Variants in CSMD1 observed in about 807,000 individuals in gnomAD.
CSMD1 encodes CUB and Sushi multiple domains 1.
Under a neutral mutation model 417.5 loss-of-function variants are expected in CSMD1, and 213 were observed. The ratio of observed to expected loss-of-function variants is 0.51; its 90% CI spans 0.46 to 0.57. The LOEUF is 0.57. CSMD1 is among the 20% of genes least tolerant of loss of function. The pLI is 0.00. For synonymous variants in CSMD1, 2,862 were observed against 1,736.8 expected, an observed-to-expected ratio of 1.65 and a Z score of -16.11; for missense variants, 6,923 against 4,529.7, an observed-to-expected ratio of 1.53 and a Z score of -15.17.
At chr8:3,257,687 T>C (rs1800758649) in intron 26 of CSMD1, among the ~76,000 whole-genome samples, 1 of 152,136 alleles carries the variant, frequency 6.6e-6, no homozygotes, top group Non-Finnish European at 1.5e-5. Context: ...CTGAAGTTTC[T>C]ATCAAAGACC....
At chr8:4,240,652 C>A (rs929704564) in intron 3 of CSMD1, among the ~76,000 whole-genome samples, 1 of 152,122 alleles carries the variant, frequency 6.6e-6, no homozygotes, top group Non-Finnish European at 1.5e-5. Flanking sequence ...TCAACAAGTA[C>A]TCCCCTTATA....
chr8:2,976,797 T>C (rs1804966608), intron 55 of CSMD1, among the ~76,000 whole-genome samples: 1 of 152,236 alleles, frequency 6.6e-6, no homozygotes, highest in Admixed American at 6.5e-5. Flanking sequence ...CATGATTCTC[T>C]TTTAGTTAAC....
intron 5 of CSMD1, among the ~76,000 whole-genome samples, chr8:3,870,249 TAA>T (rs1234447174): frequency 1.3e-5 from 2 of 152,170 alleles, no homozygotes; most frequent in Non-Finnish European, 2.9e-5. Context: ...ACACTGAAAT[TAA>T]GATTATTCAA....
At chr8:4,423,102 T>C (rs1359017900) in intron 2 of CSMD1, among the ~76,000 whole-genome samples, 2 of 152,078 alleles carry the variant, frequency 1.3e-5, no homozygotes, top group African/African-American at 4.8e-5. Flanking sequence ...TGCTTAGTGG[T>C]TGAAGACTGA....
intron 22 of CSMD1, among the ~76,000 whole-genome samples, chr8:3,347,788 A>T (rs186648505): frequency 3.8e-4 from 58 of 152,316 alleles, no homozygotes; most frequent in African/African-American, 1.3e-3. Context: ...GTTTATCTAC[A>T]AAGTTATTTC....
At chr8:4,981,011 C>G (rs1018165302) in intron 1 of CSMD1, among the ~76,000 whole-genome samples, 2 of 152,064 alleles carry the variant, frequency 1.3e-5, no homozygotes, top group South Asian at 2.1e-4. Flanking sequence ...TATTATTTCA[C>G]TTAGAGAAGG....
At chr8:4,109,692 C>G (rs943794457) in intron 3 of CSMD1, among the ~76,000 whole-genome samples, 1 of 152,136 alleles carries the variant, frequency 6.6e-6, no homozygotes, top group Non-Finnish European at 1.5e-5. Context: ...TCAAGATACT[C>G]CGAGGCATAT....
intron 18 of CSMD1, among the ~76,000 whole-genome samples, chr8:3,385,099 T>C (rs1810918736): frequency 9.6e-6 from 1 of 103,856 alleles, no homozygotes; most frequent in South Asian, 2.6e-4. Context: ...ATAAAATATA[T>C]ATATAAATAA....
chr8:3,746,511 T>C (rs962436923), intron 6 of CSMD1, among the ~76,000 whole-genome samples: 7 of 152,204 alleles, frequency 4.6e-5, no homozygotes, highest in African/African-American at 1.7e-4. Context: ...AACTTTAAAA[T>C]AAATCAATAC....
At chr8:3,833,231 C>G (rs751651419) in intron 5 of CSMD1, among the ~76,000 whole-genome samples, 1 of 152,068 alleles carries the variant, frequency 6.6e-6, no homozygotes, top group Admixed American at 6.6e-5. Flanking sequence ...TACTGTAATT[C>G]TAACCATATT....
intron 3 of CSMD1, among the ~76,000 whole-genome samples, chr8:4,331,345 C>A (rs573704529): frequency 2.8e-4 from 43 of 152,236 alleles, no homozygotes; most frequent in African/African-American, 9.9e-4. Flanking sequence ...TAATTTTACC[C>A]CGCCCCTCAA....
intron 46 of CSMD1, among the ~76,000 whole-genome samples, chr8:3,099,734 T>C (rs1477604339): frequency 6.6e-6 from 1 of 152,194 alleles, no homozygotes; most frequent in Admixed American, 6.5e-5. Flanking sequence ...AGAAGCAGCA[T>C]TTTAAGCATA....
intron 10 of CSMD1, among the ~76,000 whole-genome samples, chr8:3,506,539 T>C (rs1585270929): frequency 6.6e-6 from 1 of 152,238 alleles, no homozygotes; most frequent in African/African-American, 2.4e-5. Flanking sequence ...ACAGATACTT[T>C]ACGTTTCATT....
At chr8:3,992,786 T>C (rs1418617806) in intron 5 of CSMD1, among the ~76,000 whole-genome samples, 2 of 152,172 alleles carry the variant, frequency 1.3e-5, no homozygotes, top group Non-Finnish European at 2.9e-5. Flanking sequence ...GTACTAACAT[T>C]AAAAAATTAT....
chr8:3,611,117 G>A (rs530234163), intron 8 of CSMD1, among the ~76,000 whole-genome samples: 1 of 150,474 alleles, frequency 6.6e-6, no homozygotes, highest in South Asian at 2.1e-4. Context: ...AGCATCGGGA[G>A]ATATACCTAA....
chr8:4,711,812 A>C (rs1210448253), intron 1 of CSMD1, among the ~76,000 whole-genome samples: 1 of 152,178 alleles, frequency 6.6e-6, no homozygotes, highest in Non-Finnish European at 1.5e-5. Context: ...GCCTTAAAAA[A>C]GGTCCCGAAC....
chr8:3,190,066 T>C lies in CSMD1; in HGVS notation c.5244A>G (p.Arg1748=), dbSNP rs1483438949. 11 of 1,596,328 alleles carry C rather than the reference T, an allele frequency of 6.9e-6. No homozygotes were observed. Among genetic ancestry groups the C allele is most frequent in the Non-Finnish European group, 9.4e-6 (11 of 1,171,580 alleles). ...DTQCSSVPEP[R]YGRRIGSEFS... is the part of the protein sequence containing the mutation. Reference sequence around the variant, plus strand: ...ACTCAGAACCAATTCTCCTTCCGTATCTGGGCTCGGGGACAGAGCTGCATT... The same window carrying C: ...ACTCAGAACCAATTCTCCTTCCGTACCTGGGCTCGGGGACAGAGCTGCATT... The change falls in exon 34 of 70, where the codon AGA becomes AGG. Residue 1748 remains arginine (R), a synonymous_variant. Coordinates refer to ENST00000635120, the MANE Select transcript of CSMD1 (RefSeq NM_033225.6).
chr8:3,130,868 CAT>C (rs1157560076), intron 41 of CSMD1, among the ~76,000 whole-genome samples: 9 of 152,312 alleles, frequency 5.9e-5, no homozygotes, highest in African/African-American at 2.2e-4. Flanking sequence ...ATGCCCTAAA[CAT>C]ATGTTTTTGC....
At chr8:3,938,842 A>G (rs956618720) in intron 5 of CSMD1, among the ~76,000 whole-genome samples, 5 of 152,174 alleles carry the variant, frequency 3.3e-5, no homozygotes, top group Non-Finnish European at 5.9e-5. Context: ...TATTTTAGAC[A>G]AAGTAAACCT....
Sources: gnomAD v4.1 joint callset for allele counts (sites outside exome capture counted in the v4.1 genomes callset) on GRCh38, gnomAD v4.1.1 for gene constraint, MANE v1.5 for transcripts, NCBI Gene and HGNC (gene_info 2026-07-23, HGNC 2026-07-21) for gene names.